Variants in KLF8 observed in about 807,000 individuals in gnomAD.
The protein encoded by KLF8 is KLF transcription factor 8, also known as Krueppel-like factor 8.
A neutral mutation model predicts 18.2 loss-of-function variants in KLF8; 10 were observed. The observed-to-expected ratio is 0.55, with a 90% CI of 0.34 to 0.93. The LOEUF (loss-of-function observed/expected upper bound fraction) is 0.93. Ranked by LOEUF, KLF8 falls within the 40% of genes least tolerant of loss-of-function variation. KLF8 has a pLI of 0.02. For missense variants in KLF8, 264 were observed against 277.9 expected, an observed-to-expected ratio of 0.95 and a Z score of 0.36; for synonymous variants, 109 against 97.3, an observed-to-expected ratio of 1.12 and a Z score of -0.71.
chrX:56,077,455 C>T, the KLF8 span, among the ~76,000 whole-genome samples: 1 of 111,429 alleles, frequency 9.0e-6, no homozygotes, highest in Non-Finnish European at 1.9e-5. Flanking sequence ...TAGTTGTAGA[C>T]ATGCAGCATT....
the KLF8 span, among the ~76,000 whole-genome samples, chrX:56,126,200 A>G: frequency 8.9e-6 from 1 of 111,882 alleles, no homozygotes; most frequent in Admixed American, 9.5e-5. Flanking sequence ...AGTAACCTGC[A>G]GCTTTTCCTT....
chrX:56,127,024 A>T, the KLF8 span, among the ~76,000 whole-genome samples: 1 of 109,864 alleles, frequency 9.1e-6, no homozygotes, highest in African/African-American at 3.3e-5. Flanking sequence ...AAGTGCTGGG[A>T]TTACAGATGT....
chrX:56,045,763 G>T, the KLF8 span, among the ~76,000 whole-genome samples: 1 of 111,462 alleles, frequency 9.0e-6, no homozygotes, highest in Non-Finnish European at 1.9e-5. Context: ...TTTGTGTCCT[G>T]AATTTTTGCT....
chrX:55,938,483 C>T, the KLF8 span, among the ~76,000 whole-genome samples: 4 of 111,375 alleles, frequency 3.6e-5, no homozygotes, highest in African/African-American at 1.3e-4. Flanking sequence ...GTAAAATAAC[C>T]AGCTAACATC....
At chrX:56,116,690 G>A in the KLF8 span, among the ~76,000 whole-genome samples, 15 of 97,800 alleles carry the variant, frequency 1.5e-4, no homozygotes, top group South Asian at 4.9e-4. Context: ...CCACAATCAA[G>A]ATAATTAACA....
rs1254003906 is a variant in KLF8, at chrX:56,285,373, CCTTTA to C, written c.*883_*887del. On this transcript the variant is annotated 3_prime_UTR_variant, in exon 6 of 6. Coordinates refer to ENST00000468660, the MANE Select transcript of KLF8 (RefSeq NM_007250.5). ...GATCCTGAGAACAAATAGAGGGGTT[CCTTTA>C]CTTGTATAGGATATCAAAAGTGCTG... is the stretch of plus-strand genomic sequence containing the variant. The C allele has an allele frequency of 9.0e-6, 1 of 111,655 alleles. No homozygotes were observed. The highest frequency in any genetic ancestry group is 1.9e-5 in the Non-Finnish European group (1 of 53,139). 9.2% of individuals were successfully genotyped at this position (111,655 alleles called of 1,213,427 possible).
the KLF8 span, among the ~76,000 whole-genome samples, chrX:55,997,998 A>G: frequency 8.9e-6 from 1 of 111,850 alleles, no homozygotes; most frequent in African/African-American, 3.3e-5. Context: ...TCACAAGACA[A>G]TAGTGGGGAG....
chrX:56,073,414 C>T, the KLF8 span, among the ~76,000 whole-genome samples: 3 of 111,861 alleles, frequency 2.7e-5, no homozygotes, highest in African/African-American at 6.5e-5. Flanking sequence ...GACAGATTTG[C>T]GTTGTTTCCT....
chrX:56,283,664 C>G (rs1179671554), intron 5 of KLF8, among the ~76,000 whole-genome samples: 1 of 112,283 alleles, frequency 8.9e-6, no homozygotes, highest in Non-Finnish European at 1.9e-5. Flanking sequence ...AGCCACCGCA[C>G]CGGACCATAT....
chrX:56,238,273 C>T (rs188916525), intron 1 of KLF8, among the ~76,000 whole-genome samples: 334 of 111,606 alleles, frequency 3.0e-3, no homozygotes, highest in African/African-American at 0.01. Context: ...GTCAGCAGTT[C>T]GAAACCAGCT....
intron 5 of KLF8, among the ~76,000 whole-genome samples, chrX:56,280,220 A>G (rs1214044043): frequency 1.8e-5 from 2 of 111,968 alleles, no homozygotes; most frequent in Non-Finnish European, 3.8e-5. Context: ...CAAATGTATC[A>G]TTGATTCTTA....
the KLF8 span, among the ~76,000 whole-genome samples, chrX:55,911,215 T>C: frequency 8.9e-5 from 10 of 111,802 alleles, no homozygotes; most frequent in African/African-American, 3.3e-4. Context: ...TCTTGCCATC[T>C]TCATGTTTAG....
chrX:56,232,095 C>T (rs1256942816), upstream of KLF8, among the ~76,000 whole-genome samples: 1 of 111,712 alleles, frequency 9.0e-6, no homozygotes, highest in Non-Finnish European at 1.9e-5. Flanking sequence ...CAGCCCCCAG[C>T]CCCAATCCCA....
the KLF8 span, among the ~76,000 whole-genome samples, chrX:56,085,319 A>C: frequency 8.9e-6 from 1 of 112,158 alleles, no homozygotes; most frequent in Non-Finnish European, 1.9e-5. Flanking sequence ...GAAGTTTCAC[A>C]ATCTGCCATC....
the KLF8 span, chrX:55,961,565 T>A: frequency 1.9e-6 from 1 of 528,320 alleles, no homozygotes; most frequent in East Asian, 3.5e-5. Context: ...AGTGAAGTGT[T>A]GAAAAATGTC....
At chrX:56,003,918 C>T in the KLF8 span, among the ~76,000 whole-genome samples, 12 of 112,451 alleles carry the variant, frequency 1.1e-4, no homozygotes, top group African/African-American at 3.9e-4. Flanking sequence ...ATGTTATTCA[C>T]CAACTTTGTA....
the KLF8 span, among the ~76,000 whole-genome samples, chrX:56,222,736 G>GC: frequency 8.8e-6 from 1 of 113,072 alleles, no homozygotes; most frequent in Non-Finnish European, 1.9e-5. Context: ...CCAGAACCCT[G>GC]CCCCCGGGGA....
chrX:55,914,380 G>A, the KLF8 span, among the ~76,000 whole-genome samples: 4 of 111,791 alleles, frequency 3.6e-5, no homozygotes, highest in Non-Finnish European at 7.5e-5. Context: ...TCAGCTGGGA[G>A]ACAGACAAAA....
chrX:56,138,675 T>C, the KLF8 span, among the ~76,000 whole-genome samples: 1 of 110,711 alleles, frequency 9.0e-6, no homozygotes, highest in East Asian at 2.8e-4. Flanking sequence ...CTCAAAAAAA[T>C]AAGAGCCATC....
Sources: allele counts gnomAD v4.1 joint callset (sites outside exome capture counted in the v4.1 genomes callset), GRCh38; gene constraint gnomAD v4.1.1; transcripts MANE v1.5; gene names NCBI Gene and HGNC (gene_info 2026-07-23, HGNC 2026-07-21).